SDCCAG8: variants seen among roughly 807,000 people sequenced by gnomAD.
The protein encoded by SDCCAG8 is serologically defined colon cancer antigen 8.
A neutral mutation model predicts 101.8 loss-of-function variants in SDCCAG8; 74 were observed. The ratio of observed to expected loss-of-function variants is 0.73; its 90% confidence interval spans 0.60 to 0.88. SDCCAG8 has a LOEUF of 0.88. SDCCAG8 is among the 40% of genes least tolerant of loss of function. The pLI, the probability that SDCCAG8 is intolerant of heterozygous loss-of-function variation, is 0.00. For synonymous variants in SDCCAG8, 281 were observed against 292.9 expected, an observed-to-expected ratio of 0.96 and a Z score of 0.41; for missense variants, 787 against 822.6, an observed-to-expected ratio of 0.96 and a Z score of 0.53.
At chr1:243,273,904 A>G (rs1380987402) in intron 3 of SDCCAG8, among the ~76,000 whole-genome samples, 1 of 152,184 alleles carries the variant, frequency 6.6e-6, no homozygotes, top group Non-Finnish European at 1.5e-5. Context: ...TTCACCATCC[A>G]TCTTTAAAAA....
At chr1:243,339,467 T>C (rs1314461451) in intron 10 of SDCCAG8, among the ~76,000 whole-genome samples, 1 of 152,228 alleles carries the variant, frequency 6.6e-6, no homozygotes, top group East Asian at 1.9e-4. Context: ...ATATTTAACT[T>C]CTTTTCAACC....
At chr1:243,296,532 G>A (rs1469659911) in intron 6 of SDCCAG8, among the ~76,000 whole-genome samples, 1 of 41,446 alleles carries the variant, frequency 2.4e-5, no homozygotes, top group Non-Finnish European at 5.1e-5. Context: ...CACCCCAACT[G>A]CTCTTTTTTT....
At chr1:243,284,103 G>T (rs544971491) in intron 4 of SDCCAG8, among the ~76,000 whole-genome samples, 2 of 152,264 alleles carry the variant, frequency 1.3e-5, no homozygotes, top group South Asian at 4.1e-4. Flanking sequence ...CCTTATCTCA[G>T]ACTGTTTCTG....
At chr1:243,406,139 T>C (rs909726434) in intron 13 of SDCCAG8, among the ~76,000 whole-genome samples, 1 of 152,188 alleles carries the variant, frequency 6.6e-6, no homozygotes, top group Non-Finnish European at 1.5e-5. Context: ...ATAAAAGTCA[T>C]TAGTTTATAC....
chr1:243,398,994 A>G (rs1450521502), intron 13 of SDCCAG8, among the ~76,000 whole-genome samples: 2 of 152,230 alleles, frequency 1.3e-5, no homozygotes, highest in Non-Finnish European at 2.9e-5. Flanking sequence ...AGAGCCCATG[A>G]TCCTTTTCCA....
chr1:243,427,136 G>A (rs1398322006), intron 16 of SDCCAG8, among the ~76,000 whole-genome samples: 1 of 152,062 alleles, frequency 6.6e-6, no homozygotes, highest in Non-Finnish European at 1.5e-5. Context: ...AATATAATAT[G>A]GCAAAGCACA....
intron 5 of SDCCAG8, 143 bp from the exon 6 acceptor site, chr1:243,292,948 A>G: frequency 9.9e-7 from 1 of 1,005,114 alleles, no homozygotes; most frequent in Non-Finnish European, 1.5e-6. Flanking sequence ...ATAGCCTGAA[A>G]ATGTGAAGTG....
At chr1:243,328,524 G>A (rs770896657) in intron 9 of SDCCAG8, among the ~76,000 whole-genome samples, 22 of 152,080 alleles carry the variant, frequency 1.4e-4, no homozygotes, top group Non-Finnish European at 2.5e-4. Flanking sequence ...CAATCCACCC[G>A]CCTCAGCCTT....
intron 1 of SDCCAG8, among the ~76,000 whole-genome samples, chr1:243,264,354 C>G (rs1454008544): frequency 6.6e-6 from 1 of 152,148 alleles, no homozygotes; most frequent in East Asian, 1.9e-4. Context: ...GTGGCTCACG[C>G]CTGTAATCCC....
At chr1:243,434,046 C>T (rs984865374) in intron 16 of SDCCAG8, among the ~76,000 whole-genome samples, 1 of 152,212 alleles carries the variant, frequency 6.6e-6, no homozygotes, top group Non-Finnish European at 1.5e-5. Context: ...AGGTCATCTT[C>T]ATTTTCAAAT....
chr1:243,434,760 A>C lies in SDCCAG8; in HGVS notation c.1985+8202A>C, dbSNP rs144318197. On this transcript the variant is annotated intron_variant, in intron 16 of 17. Transcript: ENST00000366541. ...GTTTATACTGTGGTGGGAAGGCCAG[A>C]TCAGACTGCTGCCCTCCCAATAAGT... Among the ~76,000 whole-genome samples, 217 of 152,334 alleles carry C rather than the reference A, an allele frequency of 1.4e-3. 1 individual carries two copies. The highest frequency in any genetic ancestry group is 5.0e-3 in the African/African-American group (209 of 41,580).
rs2148068533 is a variant in SDCCAG8 at position 243,434,713 on chromosome 1, G to A, written c.1985+8155G>A. 1.3e-5 allele frequency among the ~76,000 whole-genome samples: 2 copies of A among 152,346 alleles called. 1 individual carries two copies. Among genetic ancestry groups the A allele is most frequent in the Middle Eastern group, 6.8e-3 (2 of 294 alleles). ...CAGTTGTATGCATTGAGAACTCCCTGTGAGGACTGGAAGTCACGTTTGTTT... is the reference window on the plus strand; with the variant it reads ...CAGTTGTATGCATTGAGAACTCCCTATGAGGACTGGAAGTCACGTTTGTTT... On this transcript the variant is annotated intron_variant, in intron 16 of 17. Transcript: ENST00000366541.
intron 8 of SDCCAG8, among the ~76,000 whole-genome samples, chr1:243,311,000 T>G (rs1429010890): frequency 6.6e-6 from 1 of 152,220 alleles, no homozygotes; most frequent in African/African-American, 2.4e-5. Context: ...GTTCATAAAT[T>G]GGTGGAAATA....
At chr1:243,453,298 G>C (rs560051129) in intron 16 of SDCCAG8, among the ~76,000 whole-genome samples, 1 of 152,238 alleles carries the variant, frequency 6.6e-6, no homozygotes, top group South Asian at 2.1e-4. Flanking sequence ...CACTCTTCTT[G>C]GTGGGCTTGA....
Position 243,474,224 on chromosome 1 carries a change from CA to C in SDCCAG8, c.1986-14789del, listed in dbSNP as rs1427616574. Among the ~76,000 whole-genome samples, 1 of 152,216 alleles carries C rather than the reference CA, an allele frequency of 6.6e-6. No homozygotes were observed. Among genetic ancestry groups the C allele is most frequent in the African/African-American group, 2.4e-5 (1 of 41,458 alleles). On this transcript the variant is annotated intron_variant, in intron 16 of 17. Coordinates refer to ENST00000366541, the MANE Select transcript of SDCCAG8 (RefSeq NM_006642.5). The surrounding 1 kb of genome is among the most constrained non-coding windows in gnomAD (Gnocchi z 4.7). ...ATCAACCTTTTTACTCATTGCCTCT[CA>C]GGGGAAAGAACTTGGGACGTGAGCA...
At chr1:243,348,148 G>T (rs1343411120) in intron 12 of SDCCAG8, among the ~76,000 whole-genome samples, 3 of 143,762 alleles carry the variant, frequency 2.1e-5, no homozygotes, top group Non-Finnish European at 4.5e-5. Context: ...CCATTCTCCC[G>T]CCTCAGCCTC....
intron 16 of SDCCAG8, among the ~76,000 whole-genome samples, chr1:243,456,064 G>A (rs1024207754): frequency 5.3e-5 from 8 of 152,198 alleles, no homozygotes; most frequent in African/African-American, 1.9e-4. Context: ...TCAGAGCATG[G>A]ACCCAGTCAG....
intron 16 of SDCCAG8, among the ~76,000 whole-genome samples, chr1:243,457,346 G>A (rs760122225): frequency 1.1e-4 from 16 of 152,040 alleles, no homozygotes; most frequent in African/African-American, 3.4e-4. Flanking sequence ...TTTAATCATC[G>A]GTTTTAGATC....
chr1:243,318,800 C>T (rs1214186095), intron 9 of SDCCAG8, among the ~76,000 whole-genome samples: 14 of 152,186 alleles, frequency 9.2e-5, no homozygotes, highest in Admixed American at 9.2e-4. Context: ...GAGGAAACCG[C>T]AGTTACTTCA....
Sources: gnomAD v4.1 joint callset for allele counts (sites outside exome capture counted in the v4.1 genomes callset) on GRCh38, gnomAD v4.1.1 for gene constraint, Gnocchi (gnomAD v3.1) non-coding constraint, MANE v1.5 for transcripts, NCBI Gene and HGNC (gene_info 2026-07-23, HGNC 2026-07-21) for gene names.